Variants in TMEM266 observed in about 807,000 individuals in gnomAD.
The protein encoded by TMEM266 is Hv1 related protein 1.
A neutral mutation model predicts 50.5 loss-of-function variants in TMEM266; 33 were observed. The observed-to-expected ratio is 0.65, with a 90% CI of 0.50 to 0.87. The LOEUF (loss-of-function observed/expected upper bound fraction) is 0.87, where lower values mean the gene tolerates loss of function less well. Ranked by LOEUF, TMEM266 falls within the 40% of genes least tolerant of loss-of-function variation. The pLI is 0.00. For missense variants in TMEM266, 655 were observed against 695.1 expected (o/e 0.94, Z 0.65); for synonymous variants, 310 against 292.3 (o/e 1.06, Z -0.62).
intron 1 of TMEM266, among the ~76,000 whole-genome samples, chr15:76,091,033 T>G (rs2036840783): frequency 6.6e-6 from 1 of 152,194 alleles, no homozygotes; most frequent in Non-Finnish European, 1.5e-5. Context: ...ATCCTATACA[T>G]ATGTACAATT....
At chr15:76,124,200 C>G (rs755047649) in intron 1 of TMEM266, among the ~76,000 whole-genome samples, 7 of 152,132 alleles carry the variant, frequency 4.6e-5, no homozygotes, top group Admixed American at 6.5e-5. Flanking sequence ...AAAGAGAAAG[C>G]CTTTGATTCT....
intron 9 of TMEM266, among the ~76,000 whole-genome samples, chr15:76,196,175 CCAGA>C (rs2038653453): frequency 6.6e-6 from 1 of 152,168 alleles, no homozygotes; most frequent in Non-Finnish European, 1.5e-5. Flanking sequence ...CATAGAGGTG[CCAGA>C]CACACACCCT....
chr15:76,075,443 A>G (rs1280690012), intron 1 of TMEM266, among the ~76,000 whole-genome samples: 1 of 152,152 alleles, frequency 6.6e-6, no homozygotes, highest in Non-Finnish European at 1.5e-5. Context: ...GTTGTGTCTA[A>G]TGCACCTAAG....
chr15:76,131,891 C>CT (rs756098521), intron 1 of TMEM266, among the ~76,000 whole-genome samples: 2 of 152,174 alleles, frequency 1.3e-5, no homozygotes, highest in African/African-American at 2.4e-5. Flanking sequence ...TCCAGTTGCT[C>CT]TAAGTTCAGA....
At chr15:76,131,432 A>C (rs1310758496) in intron 1 of TMEM266, among the ~76,000 whole-genome samples, 1 of 152,224 alleles carries the variant, frequency 6.6e-6, no homozygotes, top group Non-Finnish European at 1.5e-5. Context: ...ACCATTCTGG[A>C]AAGAAGGCTT....
intron 10 of TMEM266, among the ~76,000 whole-genome samples, chr15:76,203,428 T>C (rs1013174217): frequency 6.6e-6 from 1 of 152,164 alleles, no homozygotes; most frequent in Non-Finnish European, 1.5e-5. Context: ...CCTAGAACAT[T>C]TGCCAGGGTA....
chr15:76,073,220 C>A lies in TMEM266; in HGVS notation c.-97+13204C>A, dbSNP rs2036562115. Reference sequence around the variant, plus strand: ...TGCTGGGATTACAGGCATGGGCCACCTTGCCCGGCCTTCTTTTTTTTTTTT... The same window carrying A: ...TGCTGGGATTACAGGCATGGGCCACATTGCCCGGCCTTCTTTTTTTTTTTT... On this transcript the variant is annotated intron_variant, in intron 1 of 10. Transcript: ENST00000388942. Among the ~76,000 whole-genome samples the A allele has an allele frequency of 2.1e-5, 3 of 141,856 alleles. No individual in the cohort carries two copies. The South Asian group carries it at 7.0e-4, about 33-fold the overall frequency. The allele number at this position is 141,856 out of a possible 152,430, so 93.1% of individuals were successfully genotyped here.
intron 1 of TMEM266, among the ~76,000 whole-genome samples, chr15:76,133,262 C>T (rs1442011671): frequency 2.6e-5 from 4 of 152,180 alleles, no homozygotes; most frequent in African/African-American, 7.2e-5. Flanking sequence ...GGAGAAACCC[C>T]GTCTCTACTA....
At chr15:76,201,986 C>T (rs2038755485) in intron 9 of TMEM266, among the ~76,000 whole-genome samples, 1 of 152,160 alleles carries the variant, frequency 6.6e-6, no homozygotes, top group South Asian at 2.1e-4. Context: ...GATGCTTCAT[C>T]AGAACCTGGG....
chr15:76,105,296 G>C (rs1487872178), intron 1 of TMEM266, among the ~76,000 whole-genome samples: 1 of 152,076 alleles, frequency 6.6e-6, no homozygotes, highest in East Asian at 1.9e-4. Context: ...CTACCCCCTT[G>C]TGAGCCCCAC....
intron 1 of TMEM266, among the ~76,000 whole-genome samples, chr15:76,114,566 T>C (rs2037219427): frequency 6.6e-6 from 1 of 152,174 alleles, no homozygotes; most frequent in Admixed American, 6.5e-5. Context: ...CATCACACTA[T>C]ATTGTTTTGT....
intron 5 of TMEM266, 124 bp from the exon 6 acceptor site, chr15:76,169,692 G>A (rs949065942): frequency 1.3e-5 from 14 of 1,092,028 alleles, no homozygotes; most frequent in African/African-American, 1.2e-4. Flanking sequence ...GGAATGCTTA[G>A]TGGATGGCGG....
chr15:76,067,726 A>G (rs897775922), intron 1 of TMEM266, among the ~76,000 whole-genome samples: 8 of 149,400 alleles, frequency 5.4e-5, no homozygotes, highest in African/African-American at 2.0e-4. Context: ...AGCTTAAAGT[A>G]TGCAATAACA....
intron 1 of TMEM266, among the ~76,000 whole-genome samples, chr15:76,099,609 C>T (rs1196706133): frequency 6.6e-6 from 1 of 152,200 alleles, no homozygotes; most frequent in Non-Finnish European, 1.5e-5. Context: ...GTAGCCTGCC[C>T]AGAGTCATAG....
intron 1 of TMEM266, among the ~76,000 whole-genome samples, chr15:76,060,987 A>G (rs2036291020): frequency 6.6e-6 from 1 of 152,182 alleles, no homozygotes; most frequent in South Asian, 2.1e-4. Context: ...CCATACACCT[A>G]TCACATCATA....
At chr15:76,104,084 G>A (rs1239466168) in intron 1 of TMEM266, among the ~76,000 whole-genome samples, 1 of 151,844 alleles carries the variant, frequency 6.6e-6, no homozygotes, top group Non-Finnish European at 1.5e-5. Context: ...GCAGGCGCCT[G>A]TAGTCCCAGC....
chr15:76,078,408 T>C (rs955312264), intron 1 of TMEM266, among the ~76,000 whole-genome samples: 8 of 151,214 alleles, frequency 5.3e-5, no homozygotes, highest in Non-Finnish European at 7.3e-5. Context: ...TTTTTATTTC[T>C]TGTGAGTCTG....
chr15:76,112,989 C>G (rs1165065400), intron 1 of TMEM266: 2 of 152,154 alleles, frequency 1.3e-5, no homozygotes, highest in East Asian at 3.9e-4. Context: ...ATTGGAGGGC[C>G]AGGTAGGAGT....
chr15:76,126,374 CAT>C lies in TMEM266; in HGVS notation c.-96-7768_-96-7767del, dbSNP rs61446223. On this transcript the variant is annotated intron_variant, in intron 1 of 10. Coordinates refer to ENST00000388942, the MANE Select transcript of TMEM266 (RefSeq NM_152335.3). ...GTACACACACACACACACCCACAGA[CAT>C]ATATATATATATATATATATATATA... is the stretch of plus-strand genomic sequence containing the variant. Among the ~76,000 whole-genome samples, 1,375 of 137,642 alleles carry C rather than the reference CAT, an allele frequency of 1.0e-2. 23 individuals are homozygous for C. Among genetic ancestry groups the C allele is most frequent in the African/African-American group, 0.029 (1,103 of 37,628 alleles). 90.3% of individuals were successfully genotyped at this position (137,642 alleles called of 152,430 possible).
Sources: gnomAD v4.1 joint callset for allele counts (sites outside exome capture counted in the v4.1 genomes callset) on GRCh38, gnomAD v4.1.1 for gene constraint, MANE v1.5 for transcripts, NCBI Gene and HGNC (gene_info 2026-07-23, HGNC 2026-07-21) for gene names.